The following NASP variants were observed in gnomAD, a reference collection of about 807,000 sequenced individuals.
NASP encodes NASP histone chaperone.
Under a neutral mutation model 89.5 loss-of-function variants are expected in NASP, and 24 were observed. The observed-to-expected ratio is 0.27, with a 90% confidence interval of 0.19 to 0.38. The LOEUF (loss-of-function observed/expected upper bound fraction) is 0.38. Among genes scored for constraint, NASP ranks in the 10% least tolerant of loss-of-function variants. The pLI is 1.00. For missense variants in NASP, 848 were observed against 921.4 expected (o/e 0.92, Z 1.03); for synonymous variants, 306 against 324.7 (o/e 0.94, Z 0.62).
At chr1:45,588,269 A>G (rs1031804772) in intron 1 of NASP, among the ~76,000 whole-genome samples, 2 of 151,480 alleles carry the variant, frequency 1.3e-5, no homozygotes. Context: ...ACACCTGGCT[A>G]ATTTTTGTAT....
chr1:45,593,933 G>T (rs778676294), intron 2 of NASP, among the ~76,000 whole-genome samples: 4 of 151,794 alleles, frequency 2.6e-5, no homozygotes, highest in Non-Finnish European at 1.5e-5. Flanking sequence ...GGAGGCTGAG[G>T]TAGGAGGATT....
Position 45,617,525 on chromosome 1 carries a change from G to A in NASP, c.2220G>A (p.Glu740=), listed in dbSNP as rs768561614. 3 of 1,612,346 alleles carry A rather than the reference G, an allele frequency of 1.9e-6. No individual in the cohort carries two copies. The East Asian group carries it at 6.7e-5, about 36-fold the overall frequency. ...DDAKKAKQEP[E]VNGGSGDAVP... is the part of the protein sequence containing the mutation. ...CAAAGAAAGCCAAACAAGAGCCGGA[G>A]GTGAACGGAGGCAGTGGGGATGCTG... Residue 740 remains glutamate (E), a synonymous_variant, in exon 14 of 15, where the codon GAG becomes GAA. Transcript: ENST00000350030.
chr1:45,604,118 C>T (rs923626845), intron 3 of NASP, among the ~76,000 whole-genome samples: 1 of 152,090 alleles, frequency 6.6e-6, no homozygotes, highest in Non-Finnish European at 1.5e-5. Context: ...TTAAACATGA[C>T]CTCCATCACA....
intron 6 of NASP, among the ~76,000 whole-genome samples, chr1:45,608,653 AGGT>A (rs1336306103): frequency 1.3e-5 from 2 of 152,020 alleles, no homozygotes; most frequent in Non-Finnish European, 2.9e-5. Context: ...GGGATGGAAA[AGGT>A]AGATGAGGGG....
At chr1:45,603,540 CT>C (rs1273360064) in intron 3 of NASP, among the ~76,000 whole-genome samples, 1 of 151,764 alleles carries the variant, frequency 6.6e-6, no homozygotes, top group Non-Finnish European at 1.5e-5. Flanking sequence ...CTCTTTGTTC[CT>C]CTCTGTTTGA....
rs1319685994 is a variant in NASP at position 45,618,243 on chromosome 1, G to A, written c.*102G>A. 2 of 980,542 alleles carry A rather than the reference G, an allele frequency of 2.0e-6. No individual in the cohort carries two copies. Among genetic ancestry groups the A allele is most frequent in the East Asian group, 2.7e-5 (1 of 36,500 alleles). 60.7% of individuals were successfully genotyped at this position (980,542 alleles called of 1,614,324 possible). ...TGTATAACTTCAATAAAGATTGTAA[G>A]CAAAGGTTGAGGCTTTGATGGTTTT... is the stretch of plus-strand genomic sequence containing the variant. On this transcript the variant is annotated 3_prime_UTR_variant, in exon 15 of 15. Coordinates refer to ENST00000350030, the MANE Select transcript of NASP (RefSeq NM_002482.4).
rs903232649 is a variant in NASP at position 45,602,287 on chromosome 1, T to G, written c.140T>G (p.Leu47Trp). 1.2e-6 allele frequency: 2 copies of G among 1,613,666 alleles called. No homozygotes were observed. The highest frequency in any genetic ancestry group is 1.1e-5 in the South Asian group (1 of 91,080). Residue 47 changes from leucine to tryptophan, a missense_variant, in exon 3 of 15, where the codon TTG becomes TGG. Leu to Trp is a moderately conservative substitution (Grantham distance 61). Around this residue, in one of 5 missense-constraint regions of NASP, gnomAD observed 89 missense variants for 79.2 expected, o/e 1.12. Coordinates refer to ENST00000350030, the MANE Select transcript of NASP (RefSeq NM_002482.4). Reference sequence around the variant, plus strand: ...GTGGATAGTGAAGCTAAGAAACTATTGGGTTTAGGACAGAAACATCTGGTG... The same window carrying G: ...GTGGATAGTGAAGCTAAGAAACTATGGGGTTTAGGACAGAAACATCTGGTG... ...LDVDSEAKKLLGLGQKHLVMG... is the reference protein window; with the variant it reads ...LDVDSEAKKLWGLGQKHLVMG...
intron 6 of NASP, chr1:45,611,855 C>CTTTTTTTTTT (rs997981433): frequency 9.5e-6 from 1 of 105,232 alleles, no homozygotes; most frequent in Admixed American, 9.7e-5. Flanking sequence ...GTTAAAGTAT[C>CTTTTTTTTTT]TTTTTTTTTT....
Position 45,594,256 on chromosome 1 carries a change from G to A in NASP, c.107+2986G>A, listed in dbSNP as rs930165410. The stretch of plus-strand genomic sequence containing the variant: ...AGGCAGAAGAATCACTTGAACCCGG[G>A]AGGTGGAAGTTGCAGTCAGCCAAGA... On this transcript the variant is annotated intron_variant, in intron 2 of 14. Coordinates refer to ENST00000350030, the MANE Select transcript of NASP (RefSeq NM_002482.4). Among the ~76,000 whole-genome samples the A allele has an allele frequency of 2.6e-5, 4 of 151,876 alleles. No homozygotes were observed. The East Asian group carries it at 7.7e-4, about 29-fold the overall frequency.
At chr1:45,610,227 T>C (rs974972684) in intron 6 of NASP, 4 of 152,194 alleles carry the variant, frequency 2.6e-5, no homozygotes, top group Admixed American at 2.0e-4. Flanking sequence ...CTGTCACTTA[T>C]TTAAAAAGTT....
At chr1:45,612,043 G>GTT (rs113162932) in intron 6 of NASP, 2 of 133,884 alleles carry the variant, frequency 1.5e-5, no homozygotes, top group Non-Finnish European at 3.3e-5. Flanking sequence ...TTGTTTTTTG[G>GTT]TTTTTTTTTT....
At chr1:45,601,974 G>A (rs1024349471) in intron 2 of NASP, among the ~76,000 whole-genome samples, 2 of 151,810 alleles carry the variant, frequency 1.3e-5, no homozygotes, top group African/African-American at 2.4e-5. Context: ...GGATGGTCTC[G>A]ATCTCCTGAC....
chr1:45,607,463 A>T lies in NASP; in HGVS notation c.552A>T (p.Glu184Asp). Residue 184 changes from glutamate to aspartate, a missense_variant, in exon 6 of 15, where the codon GAA becomes GAT. Physicochemically the swap from Glu to Asp is conservative, Grantham distance 45. This residue lies in a region of NASP where 464 missense variants were observed against 469.4 expected (regional missense o/e 0.99). Coordinates refer to ENST00000350030, the MANE Select transcript of NASP (RefSeq NM_002482.4). Reference protein sequence around the residue: ...QDSEMEKGGREDMDISKSAEE... With the variant: ...QDSEMEKGGRDDMDISKSAEE... ...GTGAAATGGAGAAGGGTGGAAGAGA[A>T]GATATGGATATAAGTAAATCTGCAG... 2 of 1,613,834 alleles carry T rather than the reference A, an allele frequency of 1.2e-6. No individual in the cohort carries two copies. Among genetic ancestry groups the T allele is most frequent in the Non-Finnish European group, 1.7e-6 (2 of 1,179,960 alleles).
chr1:45,585,571 T>G (rs1644521850), intron 1 of NASP, among the ~76,000 whole-genome samples: 1 of 152,158 alleles, frequency 6.6e-6, no homozygotes, highest in African/African-American at 2.4e-5. Context: ...AGATTGGGCT[T>G]GGGAGTCGTG....
intron 6 of NASP, among the ~76,000 whole-genome samples, chr1:45,608,776 C>T (rs938840672): frequency 1.3e-5 from 2 of 152,124 alleles, no homozygotes; most frequent in South Asian, 2.1e-4. Context: ...CTTTTCTGTG[C>T]GTTGGGAAGC....
Position 45,608,393 on chromosome 1 carries a change from C to T in NASP, c.1426+56C>T, listed in dbSNP as rs771537682. 2.6e-6 allele frequency: 4 copies of T among 1,520,270 alleles called. No individual in the cohort carries two copies. In the Admixed American group the frequency reaches 5.9e-5, roughly 22 times the overall value. 94.2% of individuals were successfully genotyped at this position (1,520,270 alleles called of 1,614,324 possible). On this transcript the variant is annotated intron_variant, in intron 6 of 14. Coordinates refer to ENST00000350030, the MANE Select transcript of NASP (RefSeq NM_002482.4). The stretch of plus-strand genomic sequence containing the variant: ...TGGAGTACATTCTGGATTTGACTCA[C>T]TAATTATGGGTAAAAGTCAGCCTTC...
intron 1 of NASP, among the ~76,000 whole-genome samples, chr1:45,586,088 A>G (rs1242239154): frequency 6.6e-6 from 1 of 152,140 alleles, no homozygotes; most frequent in African/African-American, 2.4e-5. Flanking sequence ...GGCTAGAAGA[A>G]AGCAAACCAT....
chr1:45,586,410 C>T (rs749826319), intron 1 of NASP, among the ~76,000 whole-genome samples: 2 of 151,694 alleles, frequency 1.3e-5, no homozygotes, highest in Middle Eastern at 3.4e-3. Context: ...CTCAGCCTCC[C>T]GAGTAGCTGG....
At chr1:45,600,328 T>G in intron 2 of NASP, 2 of 1,211,772 alleles carry the variant, frequency 1.7e-6, no homozygotes, top group Non-Finnish European at 2.1e-6. Flanking sequence ...ATAATGAGTA[T>G]TTTCATCACC....
Sources: allele counts gnomAD v4.1 joint callset (sites outside exome capture counted in the v4.1 genomes callset), GRCh38; gene constraint gnomAD v4.1.1; regional missense constraint gnomAD v4.1.1; transcripts MANE v1.5; gene names NCBI Gene and HGNC (gene_info 2026-07-23, HGNC 2026-07-21).